The following CNIH4 variants were observed in gnomAD, a reference collection of about 807,000 sequenced individuals.
CNIH4 encodes cornichon family member 4, also known as protein cornichon homolog 4.
A neutral mutation model predicts 21.5 loss-of-function variants in CNIH4; 9 were observed. The observed-to-expected ratio is 0.42, with a 90% CI of 0.25 to 0.73. The LOEUF is 0.73. CNIH4 is among the 30% of genes least tolerant of loss of function. CNIH4 has a pLI of 0.27. For missense variants in CNIH4, 159 were observed against 170.0 expected (o/e 0.94, Z 0.36); for synonymous variants, 67 against 59.1 (o/e 1.13, Z -0.61).
chr1:224,379,034 C>A lies in CNIH4; in HGVS notation c.*3212C>A, dbSNP rs1219524134. The A allele has an allele frequency of 1.3e-6, 2 of 1,549,614 alleles. No individual in the cohort carries two copies. Among genetic ancestry groups the A allele is most frequent in the Non-Finnish European group, 1.7e-6 (2 of 1,146,112 alleles). On this transcript the variant is annotated 3_prime_UTR_variant, in exon 5 of 5. Coordinates refer to ENST00000465271, the MANE Select transcript of CNIH4 (RefSeq NM_014184.4). The stretch of plus-strand genomic sequence containing the variant: ...CTCCTATGTGCATCTTAGTACGTAT[C>A]ATTTTCCCTTGCCTTTTTCCTTCTA...
chr1:224,367,144 A>G (rs866024072), intron 3 of CNIH4, among the ~76,000 whole-genome samples: 1 of 152,152 alleles, frequency 6.6e-6, no homozygotes, highest in Non-Finnish European at 1.5e-5. Context: ...CAAGCCTGTA[A>G]TTGTTATATT....
chr1:224,374,338 G>GT, intron 4 of CNIH4, among the ~76,000 whole-genome samples: 1 of 151,986 alleles, frequency 6.6e-6, no homozygotes, highest in Non-Finnish European at 1.5e-5. Context: ...TATGCTTTTG[G>GT]TTTTTTGATT....
Position 224,356,938 on chromosome 1 carries a change from T to G in CNIH4, c.14T>G (p.Val5Gly), listed in dbSNP as rs372251807. 6.8e-6 allele frequency: 11 copies of G among 1,609,680 alleles called. No homozygotes were observed. The highest frequency in any genetic ancestry group is 9.3e-6 in the Non-Finnish European group (11 of 1,177,846). MEAV[V>G]FVFSLLDCCA... ...CGGAGGAGGAGGATGGAGGCGGTGG[T>G]GTTCGTCTTCTCTCTCCTCGATTGT... is the stretch of plus-strand genomic sequence containing the variant. The change falls in exon 1 of 5, where the codon GTG (valine) becomes GGG (glycine). Residue 5 changes from valine (V) to glycine (G), a missense_variant. Transcript: ENST00000465271.
intron 3 of CNIH4, among the ~76,000 whole-genome samples, chr1:224,366,533 T>TAG (rs1441162513): frequency 6.8e-6 from 1 of 147,916 alleles, no homozygotes. Context: ...GTATTTTTAG[T>TAG]AGACAGGGTT....
chr1:224,368,953 T>G (rs976191112), intron 3 of CNIH4, among the ~76,000 whole-genome samples: 2 of 151,860 alleles, frequency 1.3e-5, no homozygotes, highest in South Asian at 4.2e-4. Flanking sequence ...AAAACTGTCT[T>G]TGATATTTTT....
intron 4 of CNIH4, among the ~76,000 whole-genome samples, chr1:224,375,481 T>TTATTG (rs1558401996): frequency 1.6e-4 from 24 of 152,078 alleles, no homozygotes; most frequent in Non-Finnish European, 1.6e-4. Flanking sequence ...ACATAGGTGT[T>TTATTG]TTTTGTTTTG....
In CNIH4 at chr1:224,378,946, C is replaced by T; in HGVS notation, c.*3124C>T. ...CCAGTGTTCTCTCTCCCTTACCACT[C>T]CTCTTCCCCTTCCCTCTATAATGGC... On this transcript the variant is annotated 3_prime_UTR_variant, in exon 5 of 5. Transcript: ENST00000465271. The T allele has an allele frequency of 1.1e-6, 1 of 912,416 alleles. No homozygotes were observed. Among genetic ancestry groups the T allele is most frequent in the African/African-American group, 1.6e-5 (1 of 60,854 alleles). The allele number at this position is 912,416 out of a possible 1,614,324, so 56.5% of individuals were successfully genotyped here. A position where few individuals can be genotyped will look rare whatever the true frequency, so the allele number is the denominator to read the frequency against.
Position 224,361,617 on chromosome 1 carries a change from CTG to C in CNIH4, c.138+1056_138+1057del, listed in dbSNP as rs1359089295. 2.6e-5 allele frequency among the ~76,000 whole-genome samples: 4 copies of C among 152,172 alleles called. No individual in the cohort carries two copies. In the East Asian group the frequency reaches 7.7e-4, roughly 29 times the overall value. On this transcript the variant is annotated intron_variant, in intron 2 of 4. Coordinates refer to ENST00000465271, the MANE Select transcript of CNIH4 (RefSeq NM_014184.4). ...TGATTGTTTGAGGCAGAGTCTCACT[CTG>C]TTGCCCAGGCTGGAGTGCAGTGATG...
chr1:224,367,486 T>C (rs2102860119), intron 3 of CNIH4, among the ~76,000 whole-genome samples: 1 of 152,278 alleles, frequency 6.6e-6, no homozygotes, highest in South Asian at 2.1e-4. Context: ...TTTTTTGTTT[T>C]CTTTTTCATT....
At position 224,378,040 on chromosome 1, in the gene CNIH4, T is replaced by A. The variant is rs940507250; in HGVS notation, c.*2218T>A. On this transcript the variant is annotated 3_prime_UTR_variant, in exon 5 of 5. Coordinates refer to ENST00000465271, the MANE Select transcript of CNIH4 (RefSeq NM_014184.4). ...CTATCAAAGCCAGGAAAGTGGGGGA[T>A]CACTGTAGTTAAATTTTTTTTTTTT... 1 of 152,062 alleles carries A rather than the reference T, an allele frequency of 6.6e-6. No individual in the cohort carries two copies. The highest frequency in any genetic ancestry group is 1.5e-5 in the Non-Finnish European group (1 of 68,036). 9.4% of individuals were successfully genotyped at this position (152,062 alleles called of 1,614,324 possible). A position where few individuals can be genotyped will look rare whatever the true frequency, so the allele number is the denominator to read the frequency against.
Position 224,377,837 on chromosome 1 carries a change from CAA to C in CNIH4, c.*2018_*2019del, listed in dbSNP as rs1672822722. Reference sequence around the variant, plus strand: ...TTCTCATTCAGATATTCTTAGTAACCAAAACAGTGACTCATGCAGTTGAGAGA... The same window carrying C: ...TTCTCATTCAGATATTCTTAGTAACCAACAGTGACTCATGCAGTTGAGAGA... On this transcript the variant is annotated 3_prime_UTR_variant, in exon 5 of 5. Coordinates refer to ENST00000465271, the MANE Select transcript of CNIH4 (RefSeq NM_014184.4). 1 of 152,044 alleles carries C rather than the reference CAA, an allele frequency of 6.6e-6. No individual in the cohort carries two copies. The highest frequency in any genetic ancestry group is 2.1e-4 in the South Asian group (1 of 4,826). 9.4% of individuals were successfully genotyped at this position (152,044 alleles called of 1,614,324 possible). A position where few individuals can be genotyped will look rare whatever the true frequency, so the allele number is the denominator to read the frequency against.
intron 2 of CNIH4, chr1:224,364,304 A>G (rs1672387329): frequency 1.0e-6 from 1 of 985,348 alleles, no homozygotes; most frequent in Non-Finnish European, 1.2e-6. Context: ...TGCAGCCTAC[A>G]GTAAGAAATC....
chr1:224,374,840 C>T (rs1014308960), intron 4 of CNIH4, among the ~76,000 whole-genome samples: 1 of 152,158 alleles, frequency 6.6e-6, no homozygotes, highest in Non-Finnish European at 1.5e-5. Flanking sequence ...AGTAAACTCT[C>T]AAAAATCTTT....
At position 224,377,584 on chromosome 1, in the gene CNIH4, C is replaced by T. The variant is rs773183376; in HGVS notation, c.*1762C>T. The T allele has an allele frequency of 1.3e-5, 2 of 150,476 alleles. No homozygotes were observed. Among genetic ancestry groups the T allele is most frequent in the Non-Finnish European group, 1.5e-5 (1 of 68,080 alleles). The allele number at this position is 150,476 out of a possible 1,614,324, so 9.3% of individuals were successfully genotyped here. A position where few individuals can be genotyped will look rare whatever the true frequency, so the allele number is the denominator to read the frequency against. On this transcript the variant is annotated 3_prime_UTR_variant, in exon 5 of 5. Transcript: ENST00000465271. ...CACTGCAACCTCTGCTTTCTGGGTT[C>T]AAGCGATTCTCCTGCCTCAGCCTCC...
chr1:224,364,319 G>C (rs887366442), intron 2 of CNIH4: 34 of 985,286 alleles, frequency 3.5e-5, no homozygotes, highest in Non-Finnish European at 4.1e-5. Flanking sequence ...GAAATCCAGA[G>C]ACTGAAGGCT....
rs563893846 is a variant in CNIH4, at chr1:224,357,145, G to T, written c.69+152G>T. The T allele has an allele frequency of 1.6e-5, 13 of 809,654 alleles. No homozygotes were observed. In the East Asian group the frequency reaches 3.5e-4, roughly 22 times the overall value. 50.2% of individuals were successfully genotyped at this position (809,654 alleles called of 1,614,324 possible). ...TGGCCTGGCCGGGGCGGTGGCGCGGGCCCCGGAGCGGGTAGGAGAGGCTGG... is the reference window on the plus strand; with the variant it reads ...TGGCCTGGCCGGGGCGGTGGCGCGGTCCCCGGAGCGGGTAGGAGAGGCTGG... On this transcript the variant is annotated intron_variant, in intron 1 of 4. Transcript: ENST00000465271.
chr1:224,356,820 T>G, upstream of CNIH4: 2 of 915,006 alleles, frequency 2.2e-6, no homozygotes, highest in African/African-American at 1.6e-5. Flanking sequence ...CACACCAGGA[T>G]TCGAGGACCA....
upstream of CNIH4, chr1:224,356,860 A>G: frequency 1.4e-6 from 2 of 1,399,246 alleles, no homozygotes; most frequent in Admixed American, 1.9e-5. Flanking sequence ...GCAAGGGCCT[A>G]TCAGGGGTGG....
In CNIH4 at chr1:224,375,910, A is replaced by T; in HGVS notation, c.*88A>T. The T allele has an allele frequency of 3.3e-6, 5 of 1,529,642 alleles. No homozygotes were observed. Among genetic ancestry groups the T allele is most frequent in the Non-Finnish European group, 2.6e-6 (3 of 1,134,690 alleles). 94.8% of individuals were successfully genotyped at this position (1,529,642 alleles called of 1,614,324 possible). A position where few individuals can be genotyped will look rare whatever the true frequency, so the allele number is the denominator to read the frequency against. ...TTCTTAAATCATCCTTAGAACCGTG[A>T]CCATAGCAGTATATATTTTCCTCTT... On this transcript the variant is annotated 3_prime_UTR_variant, in exon 5 of 5. Coordinates refer to ENST00000465271, the MANE Select transcript of CNIH4 (RefSeq NM_014184.4).
Sources: gnomAD v4.1 joint callset for allele counts (sites outside exome capture counted in the v4.1 genomes callset) on GRCh38, gnomAD v4.1.1 for gene constraint, MANE v1.5 for transcripts, NCBI Gene and HGNC (gene_info 2026-07-23, HGNC 2026-07-21) for gene names.